The following ASCC1 variants were observed in gnomAD, a reference collection of about 807,000 sequenced individuals.
The protein encoded by ASCC1 is ASC-1 complex subunit P50.
Under a neutral mutation model 46.6 loss-of-function variants are expected in ASCC1, and 35 were observed. That is an observed-to-expected ratio of 0.75 (90% confidence interval 0.57 to 0.99). The LOEUF is 0.99. ASCC1 is among the 50% of genes least tolerant of loss of function. The pLI is 0.00. For synonymous variants in ASCC1, 143 were observed against 146.6 expected (o/e 0.98, Z 0.18); for missense variants, 376 against 428.7 (o/e 0.88, Z 1.09).
At chr10:72,113,987 G>T (rs1843205284) in intron 9 of ASCC1, among the ~76,000 whole-genome samples, 1 of 152,070 alleles carries the variant, frequency 6.6e-6, no homozygotes, top group Non-Finnish European at 1.5e-5. Flanking sequence ...CCATTTACTT[G>T]CAAGTTCAGT....
chr10:72,110,037 G>A (rs996333947), intron 9 of ASCC1, among the ~76,000 whole-genome samples: 2 of 152,198 alleles, frequency 1.3e-5, no homozygotes, highest in African/African-American at 2.4e-5. Context: ...ACTGCCCCTG[G>A]GGCTGATGGC....
chr10:72,192,454 C>CAAAAA lies in ASCC1; in HGVS notation c.489+4352_489+4356dup, dbSNP rs770758322. 1.7e-4 allele frequency among the ~76,000 whole-genome samples: 19 copies of CAAAAA among 109,376 alleles called. 1 individual carries two copies. The highest frequency in any genetic ancestry group is 5.8e-4 in the African/African-American group (19 of 32,882). The allele number at this position is 109,376 out of a possible 152,430, so 71.8% of individuals were successfully genotyped here. A position where few individuals can be genotyped will look rare whatever the true frequency, so the allele number is the denominator to read the frequency against. ...TGAGTGACAGGGCGAGACTCCGTCT[C>CAAAAA]AAAAAAAAAAAAAAAGAAAGAAAGA... On this transcript the variant is annotated intron_variant, in intron 5 of 9. Transcript: ENST00000672957.
intron 5 of ASCC1, among the ~76,000 whole-genome samples, chr10:72,163,232 T>C (rs188047860): frequency 5.9e-5 from 9 of 152,162 alleles, no homozygotes; most frequent in Admixed American, 2.6e-4. Context: ...AAGTTAAACA[T>C]AGAATTACCA....
At chr10:72,163,735 T>A (rs553238512) in intron 5 of ASCC1, among the ~76,000 whole-genome samples, 1 of 150,596 alleles carries the variant, frequency 6.6e-6, no homozygotes, top group Non-Finnish European at 1.5e-5. Flanking sequence ...ACTCACTCTG[T>A]CTCCAAAAAA....
intron 5 of ASCC1, among the ~76,000 whole-genome samples, chr10:72,172,827 T>A (rs12245036): frequency 7.5e-6 from 1 of 132,690 alleles, no homozygotes. Context: ...TAATATATAT[T>A]TTATATTTTT....
intron 5 of ASCC1, among the ~76,000 whole-genome samples, chr10:72,195,349 A>G: frequency 6.6e-6 from 1 of 151,124 alleles, no homozygotes; most frequent in East Asian, 1.9e-4. Context: ...TTTTGCTGCT[A>G]TGTTACCCAA....
intron 9 of ASCC1, among the ~76,000 whole-genome samples, chr10:72,099,841 C>CA (rs1046047321): frequency 1.1e-4 from 16 of 149,240 alleles, no homozygotes; most frequent in South Asian, 4.2e-4. Context: ...ACAAATAAAC[C>CA]AAAAAAAAAG....
chr10:72,211,622 C>A lies in ASCC1; in HGVS notation c.113-791G>T, dbSNP rs538137499. Reference sequence around the variant, plus strand: ...GCACGGTGACTCATGCCTGTAATCCCAGCATCCTGGCTATCACAGTGAAAC... The same window carrying A: ...GCACGGTGACTCATGCCTGTAATCCAAGCATCCTGGCTATCACAGTGAAAC... On this transcript the variant is annotated intron_variant, in intron 2 of 9. Coordinates refer to ENST00000672957, the MANE Select transcript of ASCC1 (RefSeq NM_001198800.3). 2.0e-5 allele frequency among the ~76,000 whole-genome samples: 3 copies of A among 151,534 alleles called. No individual in the cohort carries two copies. The East Asian group carries it at 5.8e-4, about 30-fold the overall frequency.
chr10:72,165,394 G>A (rs1850213849), intron 5 of ASCC1, among the ~76,000 whole-genome samples: 1 of 152,236 alleles, frequency 6.6e-6, no homozygotes, highest in African/African-American at 2.4e-5. Flanking sequence ...GGGATTACAG[G>A]CATGAGCCAC....
intron 5 of ASCC1, among the ~76,000 whole-genome samples, chr10:72,172,844 TA>T (rs1851354165): frequency 7.4e-6 from 1 of 134,402 alleles, no homozygotes; most frequent in Non-Finnish European, 1.5e-5. Context: ...TTTTATATTA[TA>T]TATAATATTT....
intron 5 of ASCC1, among the ~76,000 whole-genome samples, chr10:72,178,255 C>G (rs1589480057): frequency 6.6e-6 from 1 of 152,206 alleles, no homozygotes; most frequent in African/African-American, 2.4e-5. Context: ...AATTCTCAGA[C>G]TGACCCCTAA....
intron 5 of ASCC1, among the ~76,000 whole-genome samples, chr10:72,189,360 A>G (rs574585938): frequency 1.1e-4 from 16 of 152,114 alleles, no homozygotes; most frequent in African/African-American, 3.9e-4. Context: ...GTAAGCAGAG[A>G]TCGAGCCACT....
intron 6 of ASCC1, among the ~76,000 whole-genome samples, chr10:72,154,240 T>C (rs1052603256): frequency 1.3e-5 from 2 of 152,154 alleles, no homozygotes; most frequent in African/African-American, 4.8e-5. Context: ...AATTAGAATC[T>C]TGCAACTCCT....
intron 9 of ASCC1, among the ~76,000 whole-genome samples, chr10:72,113,467 T>C (rs976100425): frequency 3.3e-5 from 5 of 152,240 alleles, no homozygotes; most frequent in Admixed American, 6.5e-5. Context: ...TGCAGTTCCA[T>C]GTTAACAATG....
chr10:72,125,745 C>T (rs1313206086), intron 9 of ASCC1, among the ~76,000 whole-genome samples: 1 of 152,118 alleles, frequency 6.6e-6, no homozygotes, highest in East Asian at 1.9e-4. Flanking sequence ...ATATTAAATA[C>T]TATACTAAAG....
intron 5 of ASCC1, among the ~76,000 whole-genome samples, chr10:72,195,117 G>A (rs1192757009): frequency 1.0e-4 from 15 of 143,054 alleles, no homozygotes; most frequent in Admixed American, 9.8e-4. Context: ...GGGTTTTTTA[G>A]GTTTTGTGTG....
chr10:72,097,188 A>G lies in ASCC1; in HGVS notation c.*146T>C, dbSNP rs1589136132. The G allele has an allele frequency of 1.3e-6, 1 of 741,426 alleles. No individual in the cohort carries two copies. 45.9% of individuals were successfully genotyped at this position (741,426 alleles called of 1,614,324 possible). On this transcript the variant is annotated 3_prime_UTR_variant, in exon 10 of 10. Transcript: ENST00000672957. ...TGGTAGTATGACGGGTGTAGACACCATTAGAGGCAATGGTGAATCTATGGG... is the reference window on the plus strand; with the variant it reads ...TGGTAGTATGACGGGTGTAGACACCGTTAGAGGCAATGGTGAATCTATGGG...
chr10:72,204,483 T>C (rs1233705677), intron 3 of ASCC1: 1 of 1,519,800 alleles, frequency 6.6e-7, no homozygotes, highest in East Asian at 2.6e-5. Flanking sequence ...CCACAGTCGT[T>C]TGATGTGTTC....
intron 8 of ASCC1, among the ~76,000 whole-genome samples, chr10:72,129,799 T>G (rs536776408): frequency 1.9e-4 from 28 of 150,082 alleles, no homozygotes; most frequent in Middle Eastern, 3.4e-3. Context: ...AGAGCAAAAC[T>G]TCATCTTAGG....
Sources: allele counts gnomAD v4.1 joint callset (sites outside exome capture counted in the v4.1 genomes callset), GRCh38; gene constraint gnomAD v4.1.1; transcripts MANE v1.5; gene names NCBI Gene and HGNC (gene_info 2026-07-23, HGNC 2026-07-21).